The following MYT1L variants were observed in gnomAD, a reference collection of about 807,000 sequenced individuals.
MYT1L encodes myelin transcription factor 1 like.
In MYT1L, 12 loss-of-function variants were observed where a neutral mutation model predicts 126.7. The observed-to-expected ratio is 0.09, with a 90% CI of 0.06 to 0.15. The LOEUF is 0.15. MYT1L is among the 10% of genes least tolerant of loss of function. The pLI, the probability that MYT1L is intolerant of heterozygous loss-of-function variation, is 1.00. For missense variants in MYT1L, 979 were observed against 1,585.2 expected (o/e 0.62, Z 6.49); for synonymous variants, 541 against 604.2 (o/e 0.90, Z 1.53).
intron 1 of MYT1L, among the ~76,000 whole-genome samples, chr2:2,293,910 C>A (rs955079932): frequency 6.6e-6 from 1 of 152,186 alleles, no homozygotes; most frequent in Non-Finnish European, 1.5e-5. Flanking sequence ...CTTGGCGCGC[C>A]TCTGAGGGAT....
At chr2:2,148,801 T>A (rs781571041) in intron 3 of MYT1L, among the ~76,000 whole-genome samples, 4 of 152,228 alleles carry the variant, frequency 2.6e-5, no homozygotes, top group African/African-American at 4.8e-5. Context: ...GTGCACAGCA[T>A]GAGCCTCCAA....
At chr2:2,063,661 T>G (rs749547325) in intron 3 of MYT1L, among the ~76,000 whole-genome samples, 2 of 152,128 alleles carry the variant, frequency 1.3e-5, no homozygotes, top group Admixed American at 6.5e-5. Context: ...TTGGCCAACA[T>G]GATGAAACCC....
intron 3 of MYT1L, among the ~76,000 whole-genome samples, chr2:2,129,083 G>T (rs539467067): frequency 2.0e-5 from 3 of 152,290 alleles, no homozygotes; most frequent in Non-Finnish European, 4.4e-5. Flanking sequence ...CATTGACACA[G>T]AAATGGTAAA....
At chr2:2,106,283 C>G (rs970072716) in intron 3 of MYT1L, among the ~76,000 whole-genome samples, 2 of 152,148 alleles carry the variant, frequency 1.3e-5, no homozygotes, top group African/African-American at 4.8e-5. Flanking sequence ...TGAGGCTGGA[C>G]ATTTAGTATA....
chr2:2,189,851 A>G (rs2092466492), intron 2 of MYT1L, among the ~76,000 whole-genome samples: 1 of 136,214 alleles, frequency 7.3e-6, no homozygotes, highest in African/African-American at 3.5e-5. Flanking sequence ...GGGGAGAAGC[A>G]GCGTTCTCAG....
intron 19 of MYT1L, among the ~76,000 whole-genome samples, chr2:1,844,107 C>G (rs1177130171): frequency 6.6e-6 from 1 of 152,168 alleles, no homozygotes; most frequent in African/African-American, 2.4e-5. Flanking sequence ...CCTGCCCCCA[C>G]TCACTTGGTG....
chr2:2,116,241 CG>C (rs1042826342), intron 3 of MYT1L, among the ~76,000 whole-genome samples: 6 of 152,198 alleles, frequency 3.9e-5, no homozygotes, highest in African/African-American at 1.4e-4. Context: ...TGGAAGCTCA[CG>C]GGTCTCCTGT....
chr2:2,152,940 G>C (rs1315896628), intron 3 of MYT1L, among the ~76,000 whole-genome samples: 1 of 152,120 alleles, frequency 6.6e-6, no homozygotes, highest in Non-Finnish European at 1.5e-5. Flanking sequence ...ACTGAACAAG[G>C]GGAATAGATA....
intron 14 of MYT1L, among the ~76,000 whole-genome samples, chr2:1,895,488 T>C (rs1468764409): frequency 6.6e-6 from 1 of 152,146 alleles, no homozygotes; most frequent in African/African-American, 2.4e-5. Flanking sequence ...CCAAAATAGC[T>C]TGGTACTGGT....
Position 1,863,412 on chromosome 2 carries a change from AAAC to A in MYT1L, c.2712-11712_2712-11710del, listed in dbSNP as rs1363743460. Reference sequence around the variant, plus strand: ...AAATGAAGATGTGCTTACAAGAGCAAAACAACAAGAAAACTGCAATCCACCCAA... The same window carrying A: ...AAATGAAGATGTGCTTACAAGAGCAAAACAAGAAAACTGCAATCCACCCAA... On this transcript the variant is annotated intron_variant, in intron 18 of 24. Transcript: ENST00000647738. 4.6e-5 allele frequency among the ~76,000 whole-genome samples: 7 copies of A among 152,346 alleles called. No individual in the cohort carries two copies. In the South Asian group the frequency reaches 6.2e-4, roughly 14 times the overall value.
chr2:2,275,925 T>C (rs1164210819), intron 2 of MYT1L, among the ~76,000 whole-genome samples: 2 of 152,190 alleles, frequency 1.3e-5, no homozygotes, highest in Non-Finnish European at 2.9e-5. Context: ...TATTCTTCAG[T>C]GTCATTCCCA....
At chr2:2,042,720 T>C (rs567193666) in intron 4 of MYT1L, among the ~76,000 whole-genome samples, 1 of 152,286 alleles carries the variant, frequency 6.6e-6, no homozygotes, top group East Asian at 1.9e-4. Context: ...GGAGCCACTA[T>C]GTGGTCTTTG....
chr2:1,821,519 T>G (rs1438749406), intron 21 of MYT1L, among the ~76,000 whole-genome samples: 1 of 152,178 alleles, frequency 6.6e-6, no homozygotes, highest in East Asian at 1.9e-4. Context: ...AAATTATAGG[T>G]TTTTAAAAAG....
In MYT1L at chr2:2,296,703, G is replaced by A. The variant is rs568527336; in HGVS notation, c.-520-12200C>T. Among the ~76,000 whole-genome samples the A allele has an allele frequency of 4.3e-3, 650 of 152,224 alleles. 2 individuals are homozygous for A. The highest frequency in any genetic ancestry group is 6.4e-3 in the Non-Finnish European group (433 of 68,012). On this transcript the variant is annotated intron_variant, in intron 1 of 24. Transcript: ENST00000647738. ...CAGAAAGGAGAGACACTTCAAGAAC[G>A]GGTGCCACCTCCTGCTGCCCCAGGG...
intron 8 of MYT1L, among the ~76,000 whole-genome samples, chr2:1,965,977 C>T (rs190648028): frequency 7.9e-5 from 12 of 152,376 alleles, no homozygotes; most frequent in Non-Finnish European, 1.2e-4. Context: ...TGCTTCACGA[C>T]GCCCTAGGGC....
intron 2 of MYT1L, among the ~76,000 whole-genome samples, chr2:2,232,973 G>T (rs1303051779): frequency 6.6e-6 from 1 of 152,150 alleles, no homozygotes; most frequent in East Asian, 1.9e-4. Flanking sequence ...GACAGCCATA[G>T]AATTTAGCTT....
chr2:1,808,776 C>T (rs1230775123), intron 22 of MYT1L, among the ~76,000 whole-genome samples: 1 of 152,188 alleles, frequency 6.6e-6, no homozygotes, highest in Non-Finnish European at 1.5e-5. Context: ...CTGAGGGACA[C>T]AGGCAGAAAT....
chr2:2,197,728 AAC>A (rs946166634), intron 2 of MYT1L, among the ~76,000 whole-genome samples: 15 of 149,916 alleles, frequency 1.0e-4, no homozygotes, highest in Non-Finnish European at 1.5e-4. Flanking sequence ...AGATGTATAT[AAC>A]ACACACATAT....
chr2:2,043,987 A>G (rs920301720), intron 4 of MYT1L, among the ~76,000 whole-genome samples: 1 of 152,136 alleles, frequency 6.6e-6, no homozygotes, highest in African/African-American at 2.4e-5. Flanking sequence ...TGTTTTTTGA[A>G]AAAAAATGAG....
Sources: gnomAD v4.1 joint callset for allele counts (sites outside exome capture counted in the v4.1 genomes callset) on GRCh38, gnomAD v4.1.1 for gene constraint, MANE v1.5 for transcripts, NCBI Gene and HGNC (gene_info 2026-07-23, HGNC 2026-07-21) for gene names.